Variants in MAP2K2 observed in about 807,000 individuals in gnomAD.
MAP2K2 encodes the protein mitogen-activated protein kinase kinase 2, also known as dual specificity mitogen-activated protein kinase kinase 2.
MAP2K2 carries 24 observed loss-of-function variants against 43.7 expected under a neutral mutation model. That is an observed-to-expected ratio of 0.55 (90% CI 0.40 to 0.77). MAP2K2 has a LOEUF of 0.77. MAP2K2 is among the 30% of genes least tolerant of loss of function. The pLI, the probability that MAP2K2 is intolerant of heterozygous loss-of-function variation, is 0.00. For synonymous variants in MAP2K2, 244 were observed against 239.7 expected, an observed-to-expected ratio of 1.02 and a Z score of -0.17; for missense variants, 470 against 566.8, an observed-to-expected ratio of 0.83 and a Z score of 1.73.
rs73918027 is a variant in MAP2K2, at chr19:4,102,350, G to A, written c.528+26C>T. ...GGTCCGTGCAGAGTGCGGTGGGGGC[G>A]CGATGTGGGTCTGCGGTGGACTCAC... On this transcript the variant is annotated intron_variant, in intron 4 of 10. Transcript: ENST00000262948. The A allele has an allele frequency of 1.1e-3, 1,654 of 1,563,578 alleles. 12 individuals carry two copies. In the African/African-American group the frequency reaches 0.015, roughly 14 times the overall value.
intron 6 of MAP2K2, 62 bp downstream of exon 6, chr19:4,100,957 G>A (rs2145053398): frequency 2.6e-6 from 4 of 1,543,736 alleles, no homozygotes; most frequent in Non-Finnish European, 3.5e-6. Context: ...GAGCTGGGTG[G>A]GGAGAGCTTG....
At chr19:4,097,000 A>G (rs2040927404) in intron 8 of MAP2K2, among the ~76,000 whole-genome samples, 1 of 149,194 alleles carries the variant, frequency 6.7e-6, no homozygotes, top group Non-Finnish European at 1.5e-5. Context: ...AGATCAAGCC[A>G]CTGCACTACA....
chr19:4,096,476 G>A (rs768872974), intron 8 of MAP2K2, among the ~76,000 whole-genome samples: 60 of 152,330 alleles, frequency 3.9e-4, no homozygotes, highest in Non-Finnish European at 7.8e-4. Flanking sequence ...GTGCAGTCCT[G>A]TGCCTCCCTG....
At chr19:4,103,981 G>A (rs1357194453) in intron 3 of MAP2K2, among the ~76,000 whole-genome samples, 2 of 152,240 alleles carry the variant, frequency 1.3e-5, no homozygotes, top group East Asian at 3.9e-4. Flanking sequence ...GGCCGGACAT[G>A]GGCTGGGAGC....
rs775940718 is a variant in MAP2K2, at chr19:4,097,323, G to T, written c.940C>A (p.Pro314Thr). 6.2e-7 allele frequency: 1 copy of T among 1,613,200 alleles called. No homozygotes were observed. The highest frequency in any genetic ancestry group is 1.7e-5 in the Admixed American group (1 of 60,004). Residue 314 changes from proline (P) to threonine (T), a missense_variant, in exon 8 of 11, where the codon CCT becomes ACT. By Grantham distance (38) the Pro-to-Thr change is conservative. Transcript: ENST00000262948. Reference protein sequence around the residue: ...PVSGHGMDSRPAMAIFELLDY... With the variant: ...PVSGHGMDSRTAMAIFELLDY... ...AGGAGTTCAAAGATGGCCATGGCAG[G>T]CCGGCTATCCATCCCGTGACCTGCA...
rs1017207512 is a variant in MAP2K2, at chr19:4,090,721, G to A, written c.1093-13C>T. 6 of 1,542,820 alleles carry A rather than the reference G, an allele frequency of 3.9e-6. No individual in the cohort carries two copies. Among genetic ancestry groups the A allele is most frequent in the South Asian group, 3.6e-5 (3 of 83,994 alleles). On this transcript the variant is annotated splice_polypyrimidine_tract_variant and intron_variant, in intron 10 of 10. Transcript: ENST00000262948. ...TGAAGGTGTGGTTCTGCAAGGAAAG[G>A]GGAGCCGTGAGCACCCGGGCCTGGA...
At chr19:4,105,316 G>T (rs918225010) in intron 3 of MAP2K2, among the ~76,000 whole-genome samples, 7 of 150,904 alleles carry the variant, frequency 4.6e-5, no homozygotes, top group East Asian at 2.0e-4. Flanking sequence ...TTGCCCAGGC[G>T]GGGGTGCAGT....
At chr19:4,097,445 C>T in intron 7 of MAP2K2, 102 bp from the exon 8 acceptor site, 1 of 830,540 alleles carries the variant, frequency 1.2e-6, no homozygotes, top group African/African-American at 1.7e-5. Context: ...CGCCCTCCTC[C>T]ACATGCCAGC....
Position 4,110,595 on chromosome 19 carries a change from G to T in MAP2K2, c.364C>A (p.Leu122Met). 6.2e-7 allele frequency: 1 copy of T among 1,613,984 alleles called. No individual in the cohort carries two copies. The highest frequency in any genetic ancestry group is 8.5e-7 in the Non-Finnish European group (1 of 1,180,030). ...RNQIIRELQVLHECNSPYIVG... is the reference protein window; with the variant it reads ...RNQIIRELQVMHECNSPYIVG... ...ATGTACGGCGAGTTGCATTCGTGCA[G>T]GACCTGCAGCTCGCGGATGATCTGG... The change falls in exon 3 of 11, where the codon CTG becomes ATG. Residue 122 changes from leucine (L) to methionine (M), a missense_variant. Coordinates refer to ENST00000262948, the MANE Select transcript of MAP2K2 (RefSeq NM_030662.4).
chr19:4,118,518 G>T (rs1365204901), intron 1 of MAP2K2, among the ~76,000 whole-genome samples: 2 of 152,216 alleles, frequency 1.3e-5, no homozygotes, highest in African/African-American at 4.8e-5. Flanking sequence ...GGGGGAGATT[G>T]CAGTGAACTG....
At chr19:4,121,368 C>T (rs780236273) in intron 1 of MAP2K2, among the ~76,000 whole-genome samples, 5 of 151,748 alleles carry the variant, frequency 3.3e-5, no homozygotes, top group Admixed American at 6.6e-5. Context: ...CACGCCTCCT[C>T]GTTCCTCACA....
At chr19:4,103,785 C>A (rs1250615122) in intron 3 of MAP2K2, among the ~76,000 whole-genome samples, 2 of 152,204 alleles carry the variant, frequency 1.3e-5, no homozygotes, top group Admixed American at 6.5e-5. Flanking sequence ...AAAGCATACA[C>A]GTGACTCCAT....
At chr19:4,119,379 G>A (rs1184760602) in intron 1 of MAP2K2, among the ~76,000 whole-genome samples, 1 of 151,936 alleles carries the variant, frequency 6.6e-6, no homozygotes, top group African/African-American at 2.4e-5. Flanking sequence ...CCGCCACCAC[G>A]CCCAGCTAAT....
In MAP2K2 at chr19:4,115,126, C is replaced by A. The variant is rs1246409009; in HGVS notation, c.303+2293G>T. Among the ~76,000 whole-genome samples, 7 of 152,080 alleles carry A rather than the reference C, an allele frequency of 4.6e-5. No individual in the cohort carries two copies. The highest frequency in any genetic ancestry group is 7.2e-5 in the African/African-American group (3 of 41,422). ...GCACAGGAAGTTGCAAAAATAGTAA[C>A]GAGAGTCCCGTGCGCCCTTTCCCCG... is the stretch of plus-strand genomic sequence containing the variant. On this transcript the variant is annotated intron_variant, in intron 2 of 10. Coordinates refer to ENST00000262948, the MANE Select transcript of MAP2K2 (RefSeq NM_030662.4). The surrounding 1 kb of genome is among the most constrained non-coding windows in gnomAD (Gnocchi z 4.1).
At chr19:4,111,984 C>CAA (rs1223750565) in intron 2 of MAP2K2, among the ~76,000 whole-genome samples, 13 of 148,826 alleles carry the variant, frequency 8.7e-5, no homozygotes, top group African/African-American at 3.4e-4. Flanking sequence ...AAAACAACAA[C>CAA]AACAACAACA....
In MAP2K2 at chr19:4,099,324, G is replaced by A. The variant is rs2145050160; in HGVS notation, c.796C>T (p.Pro266Ser). The A allele has an allele frequency of 6.2e-7, 1 of 1,609,080 alleles. No individual in the cohort carries two copies. Among genetic ancestry groups the A allele is most frequent in the Non-Finnish European group, 8.5e-7 (1 of 1,178,100 alleles). The change falls in exon 7 of 11, where the codon CCC (proline) becomes TCC (serine). Residue 266 changes from proline to serine, a missense_variant. Transcript: ENST00000262948. ...SLVELAVGRY[P>S]IPPPDAKELE... ...TCTTTGGCGTCGGGCGGGGGGATGG[G>A]GTACCTTCCGACGGCCAGCTCCACC...
At position 4,124,084 on chromosome 19, in the gene MAP2K2, G is replaced by C. The variant is rs1457316565; in HGVS notation, c.-209C>G. 3 of 213,890 alleles carry C rather than the reference G, an allele frequency of 1.4e-5. No homozygotes were observed. The highest frequency in any genetic ancestry group is 3.7e-4 in the South Asian group (2 of 5,410). 13.2% of individuals were successfully genotyped at this position (213,890 alleles called of 1,614,324 possible). A position where few individuals can be genotyped will look rare whatever the true frequency, so the allele number is the denominator to read the frequency against. On this transcript the variant is annotated 5_prime_UTR_variant, in exon 1 of 11. Transcript: ENST00000262948. ...GCGAGCGAGCCGCTACCGCTGCCGA[G>C]GCCCGAAGAAGGCTGACGCCGCAGC...
intron 3 of MAP2K2, among the ~76,000 whole-genome samples, chr19:4,109,920 G>A (rs76600489): frequency 5.9e-5 from 9 of 152,260 alleles, no homozygotes; most frequent in South Asian, 2.1e-4. Flanking sequence ...CCCCCAAAAC[G>A]GGAGTGTTTT....
At chr19:4,111,694 C>T (rs951459025) in intron 2 of MAP2K2, among the ~76,000 whole-genome samples, 2 of 152,350 alleles carry the variant, frequency 1.3e-5, no homozygotes, top group South Asian at 2.1e-4. Context: ...GTGGCTCACG[C>T]CTGTAATCCC....
Sources: gnomAD v4.1 joint callset for allele counts (sites outside exome capture counted in the v4.1 genomes callset) on GRCh38, gnomAD v4.1.1 for gene constraint, Gnocchi (gnomAD v3.1) non-coding constraint, MANE v1.5 for transcripts, NCBI Gene and HGNC (gene_info 2026-07-23, HGNC 2026-07-21) for gene names.